The following AGMO variants were observed in gnomAD, a reference collection of about 807,000 sequenced individuals.
AGMO encodes the protein alkylglycerol monooxygenase.
In AGMO, 75 loss-of-function variants were observed where a neutral mutation model predicts 60.2. The ratio of observed to expected loss-of-function variants is 1.25; its 90% CI spans 1.03 to 1.51. The LOEUF is 1.51. Ranked by LOEUF, AGMO falls within the 40% of genes most tolerant of loss-of-function variation. The pLI is 0.00. For synonymous variants in AGMO, 261 were observed against 177.1 expected (o/e 1.47, Z -3.76); for missense variants, 763 against 525.5 (o/e 1.45, Z -4.42).
At chr7:15,195,649 C>G (rs1439423233), downstream of AGMO, among the ~76,000 whole-genome samples, 4 of 152,228 alleles carry the variant, frequency 2.6e-5, no homozygotes, top group Non-Finnish European at 5.9e-5. Flanking sequence ...ATTGGCACAA[C>G]TGCTGGCATT....
chr7:15,528,585 C>G (rs1784187105), intron 3 of AGMO, among the ~76,000 whole-genome samples: 1 of 152,004 alleles, frequency 6.6e-6, no homozygotes, highest in African/African-American at 2.4e-5. Flanking sequence ...GTTCAGAAGA[C>G]AGAGGGAAAC....
chr7:15,517,662 G>A (rs546702400), intron 3 of AGMO, among the ~76,000 whole-genome samples: 39 of 152,166 alleles, frequency 2.6e-4, no homozygotes, highest in Non-Finnish European at 4.3e-4. Flanking sequence ...CATGGTCTTC[G>A]CAACCCGCAG....
chr7:15,537,276 A>C (rs938366825), intron 3 of AGMO, among the ~76,000 whole-genome samples: 4 of 152,238 alleles, frequency 2.6e-5, no homozygotes, highest in Admixed American at 6.5e-5. Flanking sequence ...AATACGTAAA[A>C]TCTATCTCAG....
chr7:15,354,502 A>ACACGTG (rs1201404672), intron 12 of AGMO, among the ~76,000 whole-genome samples: 54 of 21,128 alleles, frequency 2.6e-3, no homozygotes, highest in Admixed American at 0.013. Context: ...ACGTGTATAT[A>ACACGTG]TATATATATA....
chr7:15,387,047 T>A (rs1783944565), intron 9 of AGMO, among the ~76,000 whole-genome samples: 1 of 152,168 alleles, frequency 6.6e-6, no homozygotes, highest in South Asian at 2.1e-4. Context: ...ACTGGCTCAT[T>A]CCTAAGGCTC....
chr7:15,160,269 G>GA, the AGMO span, among the ~76,000 whole-genome samples: 3 of 152,144 alleles, frequency 2.0e-5, no homozygotes, highest in Non-Finnish European at 4.4e-5. Context: ...ACAAGGGGCA[G>GA]AAGGATTTCT....
rs760163068 is a variant in AGMO at position 15,483,608 on chromosome 7, T to C, written c.410-52500A>G. 5.3e-5 allele frequency among the ~76,000 whole-genome samples: 8 copies of C among 151,720 alleles called. No homozygotes were observed. In the South Asian group the frequency reaches 8.4e-4, roughly 16 times the overall value. ...AAACAAACAAACAAACAAAAAACCATAAAATTTCTAGGACTAAAACTAGCT... is the reference window on the plus strand; with the variant it reads ...AAACAAACAAACAAACAAAAAACCACAAAATTTCTAGGACTAAAACTAGCT... On this transcript the variant is annotated intron_variant, in intron 3 of 12. Transcript: ENST00000342526.
chr7:15,246,903 T>C (rs2128504864), intron 12 of AGMO, among the ~76,000 whole-genome samples: 1 of 152,264 alleles, frequency 6.6e-6, no homozygotes, highest in Non-Finnish European at 1.5e-5. Flanking sequence ...GAAATCTATT[T>C]TCCATCATTC....
At chr7:15,433,804 A>T (rs939896722) in intron 3 of AGMO, among the ~76,000 whole-genome samples, 1 of 151,742 alleles carries the variant, frequency 6.6e-6, no homozygotes, top group African/African-American at 2.4e-5. Flanking sequence ...TTTTTCCATG[A>T]TATAATTAGA....
downstream of AGMO, among the ~76,000 whole-genome samples, chr7:15,195,457 G>A (rs144529675): frequency 6.0e-4 from 92 of 152,324 alleles, no homozygotes; most frequent in East Asian, 0.012. Flanking sequence ...GACCAGGTGT[G>A]ACGCTTACAT....
intron 3 of AGMO, among the ~76,000 whole-genome samples, chr7:15,505,799 C>A (rs546706991): frequency 1.5e-4 from 23 of 152,060 alleles, no homozygotes; most frequent in African/African-American, 4.8e-4. Context: ...ATAACAGAGT[C>A]TAAGAAATCC....
chr7:15,523,120 A>C (rs1399821625), intron 3 of AGMO, among the ~76,000 whole-genome samples: 1 of 152,262 alleles, frequency 6.6e-6, no homozygotes, highest in Non-Finnish European at 1.5e-5. Context: ...CATTAGAAAA[A>C]TGCAAATCAA....
chr7:15,375,386 A>ATTTTTTTT (rs71004377), intron 10 of AGMO, among the ~76,000 whole-genome samples: 1 of 109,452 alleles, frequency 9.1e-6, no homozygotes, highest in African/African-American at 3.8e-5. Flanking sequence ...TTCTAAAAGG[A>ATTTTTTTT]TTTTTTTTTT....
chr7:15,475,206 G>A (rs1244405801), intron 3 of AGMO, among the ~76,000 whole-genome samples: 2 of 152,086 alleles, frequency 1.3e-5, no homozygotes, highest in Non-Finnish European at 2.9e-5. Context: ...ATACCCAAAG[G>A]ATTATAAATC....
chr7:15,364,099 T>G (rs1297943578), intron 12 of AGMO, among the ~76,000 whole-genome samples: 1 of 151,982 alleles, frequency 6.6e-6, no homozygotes, highest in African/African-American at 2.4e-5. Flanking sequence ...ACTAAGATAG[T>G]ATGCTTCACG....
At chr7:15,124,441 G>T in the AGMO span, among the ~76,000 whole-genome samples, 3 of 151,966 alleles carry the variant, frequency 2.0e-5, no homozygotes, top group African/African-American at 7.2e-5. Context: ...GGCCTAACAT[G>T]AGCCAGGATA....
intron 3 of AGMO, among the ~76,000 whole-genome samples, chr7:15,543,757 A>G (rs138000971): frequency 2.8e-4 from 43 of 152,054 alleles, no homozygotes; most frequent in African/African-American, 1.0e-3. Flanking sequence ...TCTTTTTCAT[A>G]TAATGATTTC....
intron 3 of AGMO, among the ~76,000 whole-genome samples, chr7:15,460,944 G>T (rs1308295334): frequency 6.6e-6 from 1 of 152,054 alleles, no homozygotes; most frequent in African/African-American, 2.4e-5. Context: ...TCATAATCAA[G>T]AATTATGTAT....
chr7:15,561,749 A>C lies in AGMO; in HGVS notation c.97T>G (p.Leu33Val). The C allele has an allele frequency of 1.2e-6, 2 of 1,611,776 alleles. No homozygotes were observed. Among genetic ancestry groups the C allele is most frequent in the Non-Finnish European group, 8.5e-7 (1 of 1,178,550 alleles). Reference sequence around the variant, plus strand: ...TTTACATAATCAGGCACCTCTTCTAATGTTTGGAATGAAGTTTCACTGGGT... The same window carrying C: ...TTTACATAATCAGGCACCTCTTCTACTGTTTGGAATGAAGTTTCACTGGGT... Reference protein sequence around the residue: ...MKPSETSFQTLEEVPDYVKKA... With the variant: ...MKPSETSFQTVEEVPDYVKKA... Residue 33 changes from leucine to valine, a missense_variant, in exon 1 of 13, where the codon TTA becomes GTA. Physicochemically the swap from Leu to Val is conservative, Grantham distance 32. Coordinates refer to ENST00000342526, the MANE Select transcript of AGMO (RefSeq NM_001004320.2).
Sources: gnomAD v4.1 joint callset for allele counts (sites outside exome capture counted in the v4.1 genomes callset) on GRCh38, gnomAD v4.1.1 for gene constraint, MANE v1.5 for transcripts, NCBI Gene and HGNC (gene_info 2026-07-23, HGNC 2026-07-21) for gene names.